The following USO1 variants were observed in gnomAD, a reference collection of about 807,000 sequenced individuals.
USO1 encodes USO1 vesicle transport factor.
In USO1, 57 loss-of-function variants were observed where a neutral mutation model predicts 124.5. The observed-to-expected ratio is 0.46, with a 90% CI of 0.37 to 0.57. The LOEUF is 0.57. Among genes scored for constraint, USO1 ranks in the 20% least tolerant of loss-of-function variants. The pLI is 0.00. For missense variants in USO1, 900 were observed against 1,040.6 expected (o/e 0.86, Z 1.86); for synonymous variants, 369 against 362.8 (o/e 1.02, Z -0.19).
intron 1 of USO1, among the ~76,000 whole-genome samples, chr4:75,732,865 G>A (rs1049196656): frequency 7.3e-5 from 5 of 68,602 alleles, no homozygotes; most frequent in African/African-American, 2.4e-4. Flanking sequence ...GCGACAGAGC[G>A]AGATTCCATC....
rs1722022598 is a variant in USO1 at position 75,774,664 on chromosome 4, TC to T, written c.556-11del. On this transcript the variant is annotated splice_polypyrimidine_tract_variant and intron_variant, in intron 7 of 23. Transcript: ENST00000514213. ...TTTGTACTCCACTAAACATTCTCTT[TC>T]TTCTCTATAGGGCGTCTTACTACTG... is the stretch of plus-strand genomic sequence containing the variant. 1.9e-6 allele frequency: 3 copies of T among 1,586,998 alleles called. No individual in the cohort carries two copies. The highest frequency in any genetic ancestry group is 2.3e-5 in the South Asian group (2 of 86,784).
At chr4:75,808,373 C>T (rs911344657) in intron 20 of USO1, among the ~76,000 whole-genome samples, 1 of 152,166 alleles carries the variant, frequency 6.6e-6, no homozygotes, top group African/African-American at 2.4e-5. Flanking sequence ...GAACGGTTGC[C>T]TGATGCCTAA....
At chr4:75,801,236 C>A in intron 17 of USO1, 36 bp downstream of exon 17, 1 of 1,504,476 alleles carries the variant, frequency 6.6e-7, no homozygotes, top group Non-Finnish European at 8.8e-7. Context: ...CCTCTGATTA[C>A]CAATAGGCAC....
chr4:75,729,042 T>G (rs965577277), intron 1 of USO1, among the ~76,000 whole-genome samples: 1 of 152,156 alleles, frequency 6.6e-6, no homozygotes, highest in Non-Finnish European at 1.5e-5. Context: ...GTGATCCGCC[T>G]GCCTTGGCCT....
chr4:75,759,950 G>A (rs182163594), intron 4 of USO1, among the ~76,000 whole-genome samples: 2 of 150,392 alleles, frequency 1.3e-5, no homozygotes, highest in Admixed American at 6.6e-5. Context: ...GGTGGCTCAC[G>A]CCTGTAATTC....
chr4:75,774,684 A>G lies in USO1; in HGVS notation c.564A>G (p.Leu188=). ...CTCTTTCTTCTCTATAGGGCGTCTT[A>G]CTACTGCAGGCACTAACAAGAAGCA... The part of the protein sequence containing the change: ...SREVIRNDGV[L]LLQALTRSNG... Residue 188 remains leucine, a synonymous_variant, in exon 8 of 24, where the codon TTA becomes TTG. Coordinates refer to ENST00000514213, the MANE Select transcript of USO1 (RefSeq NM_003715.4). 1.2e-6 allele frequency: 2 copies of G among 1,612,582 alleles called. No individual in the cohort carries two copies. The highest frequency in any genetic ancestry group is 1.1e-5 in the South Asian group (1 of 90,840).
intron 19 of USO1, 70 bp from the exon 20 acceptor site, chr4:75,806,416 C>T: frequency 6.7e-7 from 1 of 1,481,934 alleles, no homozygotes; most frequent in Non-Finnish European, 9.0e-7. Context: ...TATATGTGTA[C>T]AGTTCTGTTT....
intron 4 of USO1, among the ~76,000 whole-genome samples, chr4:75,764,164 A>G (rs950675487): frequency 6.6e-6 from 1 of 152,218 alleles, no homozygotes; most frequent in Non-Finnish European, 1.5e-5. Flanking sequence ...ATATTATACA[A>G]TATAGCTACA....
intron 1 of USO1, among the ~76,000 whole-genome samples, chr4:75,726,058 G>C (rs1234524161): frequency 6.6e-6 from 1 of 152,170 alleles, no homozygotes; most frequent in Non-Finnish European, 1.5e-5. Context: ...GAGGCCGGCG[G>C]ATCACCTGAG....
intron 1 of USO1, chr4:75,744,843 G>A (rs774469850): frequency 1.1e-5 from 5 of 443,320 alleles, no homozygotes; most frequent in African/African-American, 4.1e-5. Flanking sequence ...AGATACTTCC[G>A]ATGTGTTTTG....
chr4:75,810,543 T>C lies in USO1; in HGVS notation c.2583+4T>C. On this transcript the variant is annotated splice_donor_region_variant and intron_variant, in intron 22 of 23. Coordinates refer to ENST00000514213, the MANE Select transcript of USO1 (RefSeq NM_003715.4). ...ACAAGAGACCAAAGAGTTAAAGGTT[T>C]GTTTTTGGTGCAACTTTTATTTACT... 1.3e-6 allele frequency: 2 copies of C among 1,598,432 alleles called. No individual in the cohort carries two copies. The highest frequency in any genetic ancestry group is 1.7e-6 in the Non-Finnish European group (2 of 1,174,942).
chr4:75,805,459 C>T (rs1722968419), intron 19 of USO1, among the ~76,000 whole-genome samples, 156 bp downstream of exon 19: 3 of 151,790 alleles, frequency 2.0e-5, no homozygotes, highest in Admixed American at 6.6e-5. Context: ...GTAATCCTAG[C>T]ACTTTGGGAG....
intron 8 of USO1, among the ~76,000 whole-genome samples, chr4:75,776,036 G>T (rs1722064932): frequency 6.6e-6 from 1 of 152,204 alleles, no homozygotes; most frequent in African/African-American, 2.4e-5. Context: ...CTTAGAGAAA[G>T]AAGACTTTGA....
intron 1 of USO1, among the ~76,000 whole-genome samples, chr4:75,726,490 A>G (rs1720465174): frequency 6.6e-6 from 1 of 151,504 alleles, no homozygotes; most frequent in Non-Finnish European, 1.5e-5. Flanking sequence ...ATCCCAGCTA[A>G]GGGGATGCTA....
rs1038178440 is a variant in USO1, at chr4:75,750,367, G to A, written c.67-2006G>A. 3.5e-3 allele frequency among the ~76,000 whole-genome samples: 527 copies of A among 152,198 alleles called. 1 individual carries two copies. Among genetic ancestry groups the A allele is most frequent in the African/African-American group, 0.012 (479 of 41,524 alleles). ...GTGGGAGGATTGCTTGAGGACAGGA[G>A]GTTGTGGCTACAGGGAGCCATGATT... On this transcript the variant is annotated intron_variant, in intron 1 of 23. Transcript: ENST00000514213.
At chr4:75,797,084 G>T (rs1471013821) in intron 13 of USO1, among the ~76,000 whole-genome samples, 1 of 152,000 alleles carries the variant, frequency 6.6e-6, no homozygotes, top group South Asian at 2.1e-4. Flanking sequence ...TGAGGTGGGG[G>T]CATCGCTTGA....
chr4:75,793,824 C>G lies in USO1; in HGVS notation c.1375C>G (p.Leu459Val). The G allele has an allele frequency of 7.4e-6, 12 of 1,614,012 alleles. No homozygotes were observed. Among genetic ancestry groups the G allele is most frequent in the Non-Finnish European group, 9.3e-6 (11 of 1,179,880 alleles). The change falls in exon 13 of 24, where the codon CTC becomes GTC. Residue 459 changes from leucine to valine, a missense_variant. Leu to Val is a conservative substitution (Grantham distance 32). Around this residue, in one of 2 missense-constraint regions of USO1, gnomAD observed 538 missense variants for 681.6 expected, o/e 0.79. Transcript: ENST00000514213. ...QENATQKEQLLRVQLATSIGN... is the reference protein window; with the variant it reads ...QENATQKEQLVRVQLATSIGN... ...AAATGCCACCCAGAAAGAACAGTTG[C>G]TCAGGGTTCAACTTGCTACAAGTAT...
intron 9 of USO1, among the ~76,000 whole-genome samples, chr4:75,786,556 G>A (rs1385614369): frequency 6.6e-6 from 1 of 152,108 alleles, no homozygotes; most frequent in African/African-American, 2.4e-5. Flanking sequence ...ATTGGCATTA[G>A]CAATCAATGC....
intron 14 of USO1, among the ~76,000 whole-genome samples, 191 bp downstream of exon 14, chr4:75,799,923 G>A (rs1266269733): frequency 6.6e-6 from 1 of 151,654 alleles, no homozygotes; most frequent in Non-Finnish European, 1.5e-5. Context: ...TTTTATGCCG[G>A]GTTGGAATAT....
Sources: allele counts gnomAD v4.1 joint callset (sites outside exome capture counted in the v4.1 genomes callset), GRCh38; gene constraint gnomAD v4.1.1; regional missense constraint gnomAD v4.1.1; transcripts MANE v1.5; gene names NCBI Gene and HGNC (gene_info 2026-07-23, HGNC 2026-07-21).